The following TRIM44 variants were observed in gnomAD, a reference collection of about 807,000 sequenced individuals.
The protein encoded by TRIM44 is tripartite motif-containing protein 44.
A neutral mutation model predicts 37.4 loss-of-function variants in TRIM44; 13 were observed. The observed-to-expected ratio is 0.35, with a 90% CI of 0.23 to 0.55. The LOEUF is 0.55. Ranked by LOEUF, TRIM44 falls within the 20% of genes least tolerant of loss-of-function variation. The pLI is 0.89. For synonymous variants in TRIM44, 175 were observed against 157.2 expected (o/e 1.11, Z -0.85); for missense variants, 426 against 437.2 (o/e 0.97, Z 0.23).
intron 4 of TRIM44, among the ~76,000 whole-genome samples, chr11:35,770,709 T>C (rs888019393): frequency 6.6e-6 from 1 of 152,164 alleles, no homozygotes; most frequent in African/African-American, 2.4e-5. Flanking sequence ...TAGCTCTGTG[T>C]CCCCACCCAA....
rs970687143 is a variant in TRIM44 at position 35,812,531 on chromosome 11, T to G, written c.*6146T>G. On this transcript the variant is annotated 3_prime_UTR_variant, in exon 5 of 5. Coordinates refer to ENST00000299413, the MANE Select transcript of TRIM44 (RefSeq NM_017583.6). ...CCAATACTATCATTCCCCACTTTGT[T>G]GCTCAGGAATCAAATTTAGAGAATT... 4 of 152,212 alleles carry G rather than the reference T, an allele frequency of 2.6e-5. No homozygotes were observed. Among genetic ancestry groups the G allele is most frequent in the Admixed American group, 6.5e-5 (1 of 15,280 alleles). 9.4% of individuals were successfully genotyped at this position (152,212 alleles called of 1,614,324 possible). A position where few individuals can be genotyped will look rare whatever the true frequency, so the allele number is the denominator to read the frequency against.
chr11:35,737,842 A>G (rs940356061), intron 4 of TRIM44, among the ~76,000 whole-genome samples: 1 of 152,020 alleles, frequency 6.6e-6, no homozygotes, highest in African/African-American at 2.4e-5. Flanking sequence ...ATCTCATAAA[A>G]ACAAAAAATT....
intron 4 of TRIM44, among the ~76,000 whole-genome samples, chr11:35,760,060 C>A (rs567325078): frequency 1.2e-4 from 19 of 152,340 alleles, no homozygotes; most frequent in African/African-American, 4.3e-4. Context: ...GTTTCTGCTG[C>A]GTTTTGTTTG....
intron 2 of TRIM44, among the ~76,000 whole-genome samples, chr11:35,724,600 T>A (rs1287623932): frequency 6.6e-6 from 1 of 152,216 alleles, no homozygotes; most frequent in Non-Finnish European, 1.5e-5. Context: ...ATAAATACAG[T>A]TGCTGGTAAA....
At chr11:35,805,354 T>A (rs1393538735) in intron 4 of TRIM44, among the ~76,000 whole-genome samples, 3 of 152,226 alleles carry the variant, frequency 2.0e-5, no homozygotes, top group Non-Finnish European at 4.4e-5. Flanking sequence ...CGTTTGCTTT[T>A]CTGAGTGTGC....
chr11:35,677,943 C>T (rs936526410), intron 1 of TRIM44, among the ~76,000 whole-genome samples: 1 of 152,066 alleles, frequency 6.6e-6, no homozygotes, highest in African/African-American at 2.4e-5. Context: ...AACTAGTGAC[C>T]TGGGTGTAGT....
At position 35,798,349 on chromosome 11, in the gene TRIM44, C is replaced by T. The variant is rs568470363; in HGVS notation, c.1008-8009C>T. Among the ~76,000 whole-genome samples, 5 of 152,098 alleles carry T rather than the reference C, an allele frequency of 3.3e-5. 1 individual carries two copies. The South Asian group carries it at 8.3e-4, about 25-fold the overall frequency. On this transcript the variant is annotated intron_variant, in intron 4 of 4. Coordinates refer to ENST00000299413, the MANE Select transcript of TRIM44 (RefSeq NM_017583.6). The stretch of plus-strand genomic sequence containing the variant: ...GAATGGGGGACAAGTTTGCTGATCG[C>T]GGTTCCCAGCTTGACTTTTCCCTTT...
intron 2 of TRIM44, among the ~76,000 whole-genome samples, chr11:35,701,263 T>C (rs545466304): frequency 3.9e-5 from 6 of 152,286 alleles, no homozygotes; most frequent in Non-Finnish European, 8.8e-5. Context: ...AGGTCTGTTT[T>C]TTTTCCCCCC....
At chr11:35,760,928 G>A (rs898548864) in intron 4 of TRIM44, among the ~76,000 whole-genome samples, 2 of 151,852 alleles carry the variant, frequency 1.3e-5, no homozygotes, top group Non-Finnish European at 2.9e-5. Context: ...ATATCCTTTG[G>A]CCAACATCTT....
At chr11:35,701,319 G>A (rs749603858) in intron 2 of TRIM44, among the ~76,000 whole-genome samples, 1 of 152,078 alleles carries the variant, frequency 6.6e-6, no homozygotes, top group Non-Finnish European at 1.5e-5. Flanking sequence ...GGAGTCCCAG[G>A]CTGTTAGAGC....
chr11:35,794,812 T>A (rs542176614), intron 4 of TRIM44, among the ~76,000 whole-genome samples: 1 of 152,248 alleles, frequency 6.6e-6, no homozygotes, highest in Admixed American at 6.5e-5. Flanking sequence ...TCAAAAACAT[T>A]TGTTGCAGTT....
Position 35,730,851 on chromosome 11 carries a change from C to CTT in TRIM44, c.988-4558_988-4557dup, listed in dbSNP as rs376635824. Among the ~76,000 whole-genome samples, 423 of 128,112 alleles carry CTT rather than the reference C, an allele frequency of 3.3e-3. 4 individuals carry two copies. Among genetic ancestry groups the CTT allele is most frequent in the African/African-American group, 6.8e-3 (237 of 34,982 alleles). 84.0% of individuals were successfully genotyped at this position (128,112 alleles called of 152,430 possible). A position where few individuals can be genotyped will look rare whatever the true frequency, so the allele number is the denominator to read the frequency against. ...TGGTTTTTATATATTAGCCTTATAT[C>CTT]TTTTTTTTTTTTTTTTTTGAGACGG... On this transcript the variant is annotated intron_variant, in intron 3 of 4. Transcript: ENST00000299413.
chr11:35,673,889 C>G (rs982900606), intron 1 of TRIM44, among the ~76,000 whole-genome samples: 1 of 152,000 alleles, frequency 6.6e-6, no homozygotes, highest in African/African-American at 2.4e-5. Context: ...CACCTTTTCT[C>G]TCCGCTTGCA....
intron 1 of TRIM44, among the ~76,000 whole-genome samples, chr11:35,668,238 G>A (rs758738103): frequency 6.6e-6 from 1 of 152,112 alleles, no homozygotes; most frequent in East Asian, 1.9e-4. Flanking sequence ...TGGGGTACAT[G>A]TGCAGGATGT....
intron 4 of TRIM44, among the ~76,000 whole-genome samples, chr11:35,799,449 C>T (rs1417342988): frequency 6.6e-6 from 1 of 152,132 alleles, no homozygotes; most frequent in East Asian, 1.9e-4. Flanking sequence ...CTATAGTAAT[C>T]CTACTCATCT....
At chr11:35,721,633 T>A (rs1036563122) in intron 2 of TRIM44, among the ~76,000 whole-genome samples, 1 of 152,214 alleles carries the variant, frequency 6.6e-6, no homozygotes, top group Admixed American at 6.5e-5. Context: ...ATGAAGAGTT[T>A]AAATGTTCAC....
intron 4 of TRIM44, among the ~76,000 whole-genome samples, chr11:35,766,979 A>T (rs1468054860): frequency 6.6e-6 from 1 of 152,184 alleles, no homozygotes; most frequent in Non-Finnish European, 1.5e-5. Context: ...ATGAAGTACT[A>T]AGGAATAGAT....
chr11:35,740,096 T>TAA (rs1258985035), intron 4 of TRIM44, among the ~76,000 whole-genome samples: 76 of 64,478 alleles, frequency 1.2e-3, no homozygotes, highest in African/African-American at 4.0e-3. Context: ...AGACTCTGTC[T>TAA]AAAAAAAAAA....
chr11:35,796,330 TAAGTGTC>T (rs1339415986), intron 4 of TRIM44, among the ~76,000 whole-genome samples: 1 of 152,258 alleles, frequency 6.6e-6, no homozygotes, highest in African/African-American at 2.4e-5. Flanking sequence ...AGATTAGAGA[TAAGTGTC>T]AAGTATATTT....
Sources: gnomAD v4.1 joint callset for allele counts (sites outside exome capture counted in the v4.1 genomes callset) on GRCh38, gnomAD v4.1.1 for gene constraint, MANE v1.5 for transcripts, NCBI Gene and HGNC (gene_info 2026-07-23, HGNC 2026-07-21) for gene names.